AKR1C1: variants seen among roughly 807,000 people sequenced by gnomAD.
AKR1C1 encodes 20 alpha-hydroxysteroid dehydrogenase.
In AKR1C1, 32 loss-of-function variants were observed where a neutral mutation model predicts 40.6. That is an observed-to-expected ratio of 0.79 (90% CI 0.60 to 1.06). The LOEUF is 1.06. Among genes scored for constraint, AKR1C1 ranks in the 50% least tolerant of loss-of-function variants. The probability of loss-of-function intolerance (pLI) is 0.00; values close to 1 mark genes in which losing one functional copy is unlikely to be tolerated. For synonymous variants in AKR1C1, 105 were observed against 134.2 expected, an observed-to-expected ratio of 0.78 and a Z score of 1.50; for missense variants, 320 against 363.5, an observed-to-expected ratio of 0.88 and a Z score of 0.97.
chr10:4,970,343 T>G (rs1484039484), intron 5 of AKR1C1, among the ~76,000 whole-genome samples: 1 of 152,244 alleles, frequency 6.6e-6, no homozygotes, highest in Non-Finnish European at 1.5e-5. Flanking sequence ...TCAATTGTTT[T>G]TATATTGTTG....
At chr10:4,969,040 A>C (rs1276804393) in intron 5 of AKR1C1, 96 bp downstream of exon 5, 1 of 1,590,030 alleles carries the variant, frequency 6.3e-7, no homozygotes, top group Non-Finnish European at 8.6e-7. Flanking sequence ...TTATCTTTGT[A>C]AAAGAGAAGA....
chr10:4,965,736 C>T (rs1746331879), intron 1 of AKR1C1, 178 bp from the exon 2 acceptor site: 2 of 668,828 alleles, frequency 3.0e-6, no homozygotes, highest in African/African-American at 1.8e-5. Flanking sequence ...TCCTGCTGTG[C>T]CCAACCTTTA....
At chr10:4,965,075 T>C (rs1836309472) in intron 1 of AKR1C1, among the ~76,000 whole-genome samples, 1 of 152,162 alleles carries the variant, frequency 6.6e-6, no homozygotes, top group African/African-American at 2.4e-5. Flanking sequence ...CCAGACAAAA[T>C]CTTAGTAATG....
Position 4,972,322 on chromosome 10 carries a change from T to A in AKR1C1, c.680+12T>A, listed in dbSNP as rs1836443550. 5.0e-6 allele frequency: 8 copies of A among 1,608,718 alleles called. No individual in the cohort carries two copies. Among genetic ancestry groups the A allele is most frequent in the Non-Finnish European group, 6.8e-6 (8 of 1,178,822 alleles). On this transcript the variant is annotated intron_variant, in intron 6 of 8. Transcript: ENST00000380872. ...CGAGAAGAACCATGGTAATAAGAGA[T>A]ACAGGAAGTTTACCTAAAACACCGG...
Position 4,982,425 on chromosome 10 carries a change from A to G in AKR1C1, c.*4683A>G. ...ACTCACTGCAAGCTGTAAGCGGCCCACTACTTCCCACTCCCTTTTTTGAAC... is the reference window on the plus strand; with the variant it reads ...ACTCACTGCAAGCTGTAAGCGGCCCGCTACTTCCCACTCCCTTTTTTGAAC... On this transcript the variant is annotated 3_prime_UTR_variant, in exon 9 of 9. Coordinates refer to ENST00000380872, the MANE Select transcript of AKR1C1 (RefSeq NM_001353.6). The G allele has an allele frequency of 7.0e-6, 1 of 142,462 alleles. No homozygotes were observed. The highest frequency in any genetic ancestry group is 2.1e-4 in the East Asian group (1 of 4,746). The allele number at this position is 142,462 out of a possible 1,614,324, so 8.8% of individuals were successfully genotyped here.
intron 7 of AKR1C1, among the ~76,000 whole-genome samples, chr10:4,974,602 T>A (rs1242022583): frequency 6.6e-6 from 1 of 152,110 alleles, no homozygotes; most frequent in African/African-American, 2.4e-5. Context: ...AAATACTGTA[T>A]GAGATAAGGA....
intron 1 of AKR1C1, among the ~76,000 whole-genome samples, chr10:4,965,185 G>A (rs1383120866): frequency 1.3e-5 from 2 of 152,072 alleles, no homozygotes; most frequent in Non-Finnish European, 2.9e-5. Context: ...TGGTGGGAGA[G>A]GAATCACAGG....
In AKR1C1 at chr10:4,977,771, G is replaced by A. The variant is rs782206454; in HGVS notation, c.*29G>A. On this transcript the variant is annotated 3_prime_UTR_variant, in exon 9 of 9. Coordinates refer to ENST00000380872, the MANE Select transcript of AKR1C1 (RefSeq NM_001353.6). The stretch of plus-strand genomic sequence containing the variant: ...GGAGGGCATTGCATGAGGTCTGCCA[G>A]AAGGCCCTGCGTGTGGATGGTGACA... The A allele has an allele frequency of 3.8e-6, 6 of 1,580,346 alleles. No homozygotes were observed. Among genetic ancestry groups the A allele is most frequent in the Middle Eastern group, 3.4e-4 (2 of 5,960 alleles).
chr10:4,977,910 A>AT lies in AKR1C1; in HGVS notation c.*172dup. 1 of 1,098,010 alleles carries AT rather than the reference A, an allele frequency of 9.1e-7. No homozygotes were observed. Among genetic ancestry groups the AT allele is most frequent in the Non-Finnish European group, 1.3e-6 (1 of 779,588 alleles). 68.0% of individuals were successfully genotyped at this position (1,098,010 alleles called of 1,614,324 possible). On this transcript the variant is annotated 3_prime_UTR_variant, in exon 9 of 9. Transcript: ENST00000380872. ...CATTGGCCAGAAAGGAAAGACAATA[A>AT]TTTTGTTTTTTCATTTTGAAAAAAT...
rs1195211879 is a variant in AKR1C1, at chr10:4,982,864, T to A, written c.*5122T>A. The A allele has an allele frequency of 7.2e-6, 3 of 415,364 alleles. No homozygotes were observed. The highest frequency in any genetic ancestry group is 2.6e-5 in the Admixed American group (1 of 38,882). 25.7% of individuals were successfully genotyped at this position (415,364 alleles called of 1,614,324 possible). On this transcript the variant is annotated 3_prime_UTR_variant, in exon 9 of 9. Coordinates refer to ENST00000380872, the MANE Select transcript of AKR1C1 (RefSeq NM_001353.6). ...AAAATGCCTGCATGAGCTCAGCTGT[T>A]ACCACTGCGTACCACACCCTGACCA...
rs753296746 is a variant in AKR1C1 at position 4,968,895 on chromosome 10, A to T, written c.521A>T (p.Glu174Val). The stretch of plus-strand genomic sequence containing the variant: ...TCCAACTTCAACCGCAGGCAGCTGG[A>T]GATGATCCTCAACAAGCCAGGGCTC... ...GVSNFNRRQL[E>V]MILNKPGLKY... The change falls in exon 5 of 9, where the codon GAG (glutamate) becomes GTG (valine). Residue 174 changes from glutamate (E) to valine (V), a missense_variant. Around this residue, in one of 3 missense-constraint regions of AKR1C1, gnomAD observed 214 missense variants for 214.8 expected, o/e 1.00. Transcript: ENST00000380872. The T allele has an allele frequency of 6.2e-7, 1 of 1,614,186 alleles. No individual in the cohort carries two copies. Among genetic ancestry groups the T allele is most frequent in the Non-Finnish European group, 8.5e-7 (1 of 1,180,032 alleles).
In AKR1C1 at chr10:4,979,758, C is replaced by T. The variant is rs1392079129; in HGVS notation, c.*2016C>T. 1 of 151,720 alleles carries T rather than the reference C, an allele frequency of 6.6e-6. No individual in the cohort carries two copies. The highest frequency in any genetic ancestry group is 2.4e-5 in the African/African-American group (1 of 41,308). 9.4% of individuals were successfully genotyped at this position (151,720 alleles called of 1,614,324 possible). On this transcript the variant is annotated 3_prime_UTR_variant, in exon 9 of 9. Coordinates refer to ENST00000380872, the MANE Select transcript of AKR1C1 (RefSeq NM_001353.6). ...AAAGTTACTCAGAATTTCATAAAGC[C>T]AAACACCTGATTTCAGGAACACTTG...
intron 5 of AKR1C1, chr10:4,969,858 C>A: frequency 6.7e-6 from 6 of 899,632 alleles, no homozygotes; most frequent in South Asian, 1.6e-5. Flanking sequence ...TGAAGATCTA[C>A]AGTGGAAATA....
Position 4,969,167 on chromosome 10 carries a change from T to C in AKR1C1, c.570+223T>C, listed in dbSNP as rs186732875. Among the ~76,000 whole-genome samples the C allele has an allele frequency of 5.6e-4, 86 of 152,308 alleles. No homozygotes were observed. In the East Asian group the frequency reaches 0.01, roughly 18 times the overall value. On this transcript the variant is annotated intron_variant, in intron 5 of 8. Transcript: ENST00000380872. ...GATGCTGAATTGTGTGTTATATTTATGGGAGGTCAATTCAATCAAGGAGGC... is the reference window on the plus strand; with the variant it reads ...GATGCTGAATTGTGTGTTATATTTACGGGAGGTCAATTCAATCAAGGAGGC...
intron 5 of AKR1C1, 86 bp from the exon 6 acceptor site, chr10:4,972,115 A>G: frequency 6.4e-7 from 1 of 1,572,832 alleles, no homozygotes; most frequent in Non-Finnish European, 8.6e-7. Context: ...AATGCTCTAC[A>G]TTATTCAGCT....
At chr10:4,973,532 C>T (rs1292869313) in intron 7 of AKR1C1, among the ~76,000 whole-genome samples, 1 of 152,176 alleles carries the variant, frequency 6.6e-6, no homozygotes, top group Non-Finnish European at 1.5e-5. Flanking sequence ...TGGACATGTG[C>T]AAAGCCTTTT....
chr10:4,967,105 T>C lies in AKR1C1; in HGVS notation c.369+62T>C, dbSNP rs188989075. The C allele has an allele frequency of 1.6e-5, 24 of 1,528,932 alleles. No individual in the cohort carries two copies. In the East Asian group the frequency reaches 1.8e-4, roughly 11 times the overall value. The allele number at this position is 1,528,932 out of a possible 1,614,324, so 94.7% of individuals were successfully genotyped here. On this transcript the variant is annotated intron_variant, in intron 3 of 8. Coordinates refer to ENST00000380872, the MANE Select transcript of AKR1C1 (RefSeq NM_001353.6). ...GTTCTCAGCATAAATATTGTTTTTA[T>C]GGATATTTGAACTAAGCATTTTCTT...
At chr10:4,965,738 C>A in intron 1 of AKR1C1, 176 bp from the exon 2 acceptor site, 1 of 682,788 alleles carries the variant, frequency 1.5e-6, no homozygotes, top group Non-Finnish European at 2.3e-6. Context: ...CTGCTGTGCC[C>A]AACCTTTATT....
rs543034609 is a variant in AKR1C1, at chr10:4,970,057, A to G, written c.570+1113A>G. 8.1e-3 allele frequency: 2,553 copies of G among 315,940 alleles called. 65 individuals carry two copies. Among genetic ancestry groups the G allele is most frequent in the African/African-American group, 0.052 (2,384 of 46,182 alleles). 19.6% of individuals were successfully genotyped at this position (315,940 alleles called of 1,614,324 possible). A position where few individuals can be genotyped will look rare whatever the true frequency, so the allele number is the denominator to read the frequency against. ...CATGTTACCATTTATATTCAAAATT[A>G]CTAACATTTTGCAATGTTATATGGA... is the stretch of plus-strand genomic sequence containing the variant. On this transcript the variant is annotated intron_variant, in intron 5 of 8. Coordinates refer to ENST00000380872, the MANE Select transcript of AKR1C1 (RefSeq NM_001353.6).
Sources: gnomAD v4.1 joint callset for allele counts (sites outside exome capture counted in the v4.1 genomes callset) on GRCh38, gnomAD v4.1.1 for gene constraint, gnomAD v4.1.1 regional missense constraint, MANE v1.5 for transcripts, NCBI Gene and HGNC (gene_info 2026-07-23, HGNC 2026-07-21) for gene names.